STRIP2: variants seen among roughly 807,000 people sequenced by gnomAD.
STRIP2 encodes striatin interacting protein 2, also known as striatin-interacting protein 2.
Under a neutral mutation model 107.1 loss-of-function variants are expected in STRIP2, and 84 were observed. The observed-to-expected ratio is 0.78, with a 90% CI of 0.66 to 0.94. The LOEUF (loss-of-function observed/expected upper bound fraction) is 0.94. STRIP2 is among the 40% of genes least tolerant of loss of function. The pLI is 0.00. For synonymous variants in STRIP2, 394 were observed against 400.4 expected (o/e 0.98, Z 0.19); for missense variants, 888 against 1,034.2 (o/e 0.86, Z 1.94).
chr7:129,485,772 C>A lies in STRIP2; in HGVS notation c.2448C>A (p.Leu816=), dbSNP rs201042003. Residue 816 remains leucine, a synonymous_variant, in exon 21 of 21, where the codon CTC becomes CTA. Coordinates refer to ENST00000249344, the MANE Select transcript of STRIP2 (RefSeq NM_020704.3). ...EDFHYSYELW[L]EREVFSQPIC... ...TCCACTATTCATATGAGCTCTGGCT[C>A]GAGAGAGAGGTGTTTTCACAGCCCA... 6.2e-7 allele frequency: 1 copy of A among 1,613,950 alleles called. No homozygotes were observed. The highest frequency in any genetic ancestry group is 1.7e-5 in the Admixed American group (1 of 59,994).
At chr7:129,476,990 C>T (rs954978255) in intron 18 of STRIP2, among the ~76,000 whole-genome samples, 9 of 151,578 alleles carry the variant, frequency 5.9e-5, no homozygotes, top group East Asian at 1.9e-4. Flanking sequence ...CCGGCCAACA[C>T]AGCGAAACCC....
chr7:129,434,617 A>G lies in STRIP2; in HGVS notation c.129+16A>G. 1 of 1,472,994 alleles carries G rather than the reference A, an allele frequency of 6.8e-7. No homozygotes were observed. Among genetic ancestry groups the G allele is most frequent in the Non-Finnish European group, 9.0e-7 (1 of 1,114,106 alleles). The allele number at this position is 1,472,994 out of a possible 1,614,324, so 91.2% of individuals were successfully genotyped here. Reference sequence around the variant, plus strand: ...GGAGTCAGAGGTGAGGAGCCCGGAAAGCTTCGGCTGGGGCCCGGAGACGCC... The same window carrying G: ...GGAGTCAGAGGTGAGGAGCCCGGAAGGCTTCGGCTGGGGCCCGGAGACGCC... On this transcript the variant is annotated intron_variant, in intron 1 of 20. Coordinates refer to ENST00000249344, the MANE Select transcript of STRIP2 (RefSeq NM_020704.3).
At chr7:129,459,673 C>A in intron 12 of STRIP2, 93 bp downstream of exon 12, 1 of 1,060,468 alleles carries the variant, frequency 9.4e-7, no homozygotes, top group Non-Finnish European at 1.5e-6. Flanking sequence ...GGCTTTTATA[C>A]CAGACTCTTT....
At chr7:129,460,588 A>C (rs1401577989) in intron 13 of STRIP2, 1 of 546,276 alleles carries the variant, frequency 1.8e-6, no homozygotes, top group African/African-American at 1.9e-5. Context: ...GGTAAATACA[A>C]TGAAGAAAAT....
chr7:129,470,794 A>G, intron 18 of STRIP2, 79 bp downstream of exon 18: 2 of 1,159,032 alleles, frequency 1.7e-6, no homozygotes, highest in South Asian at 2.5e-5. Flanking sequence ...TTCTTCTCCA[A>G]CCCCTTAATG....
intron 3 of STRIP2, among the ~76,000 whole-genome samples, chr7:129,451,345 T>G (rs923936497): frequency 2.6e-5 from 4 of 152,070 alleles, no homozygotes; most frequent in African/African-American, 9.7e-5. Flanking sequence ...CAGAGGGAAC[T>G]CCTTGAGGAA....
At chr7:129,475,553 C>CTTTTTTTTTTTTTTTT (rs1292595061) in intron 18 of STRIP2, among the ~76,000 whole-genome samples, 1 of 35,984 alleles carries the variant, frequency 2.8e-5, no homozygotes. Context: ...CTTTTTTTTT[C>CTTTTTTTTTTTTTTTT]TTTTTTTTTT....
intron 19 of STRIP2, 133 bp downstream of exon 19, chr7:129,481,022 C>T: frequency 3.2e-6 from 2 of 624,978 alleles, no homozygotes; most frequent in Non-Finnish European, 5.5e-6. Flanking sequence ...GATTTAGCAC[C>T]TCATAATTCT....
rs1411162808 is a variant in STRIP2, at chr7:129,485,830, C to T, written c.*1C>T. ...GGAGGAGCTGCTCCAGAATCACTGA[C>T]TAAGTTCTTGTCAACAAGCATCAAT... On this transcript the variant is annotated 3_prime_UTR_variant, in exon 21 of 21. Transcript: ENST00000249344. 2 of 1,613,662 alleles carry T rather than the reference C, an allele frequency of 1.2e-6. No homozygotes were observed. Among genetic ancestry groups the T allele is most frequent in the Admixed American group, 1.7e-5 (1 of 60,014 alleles).
In STRIP2 at chr7:129,486,867, G is replaced by A. The variant is rs968861933; in HGVS notation, c.*1038G>A. 6.6e-6 allele frequency: 1 copy of A among 151,756 alleles called. No individual in the cohort carries two copies. The highest frequency in any genetic ancestry group is 1.5e-5 in the Non-Finnish European group (1 of 67,978). 9.4% of individuals were successfully genotyped at this position (151,756 alleles called of 1,614,324 possible). ...AATACTGTCTCTACTTAAAAGTATT[G>A]CACATTTCATTGAAAATGTGAGAGT... On this transcript the variant is annotated 3_prime_UTR_variant, in exon 21 of 21. Transcript: ENST00000249344.
rs1224156200 is a variant in STRIP2 at position 129,451,661 on chromosome 7, A to G, written c.323A>G (p.Tyr108Cys). 1.9e-5 allele frequency: 30 copies of G among 1,614,074 alleles called. No homozygotes were observed. The highest frequency in any genetic ancestry group is 2.5e-5 in the Non-Finnish European group (29 of 1,180,048). ...LELEEDAQKAYIMGLLDRLEV... is the reference protein window; with the variant it reads ...LELEEDAQKACIMGLLDRLEV... ...TTGGAAGAAGATGCCCAAAAGGCCT[A>G]TATAATGGGACTCTTGGACCGGCTA... Residue 108 changes from tyrosine (Y) to cysteine (C), a missense_variant, in exon 4 of 21, where the codon TAT becomes TGT. By Grantham distance (194) the Tyr-to-Cys change is radical. Transcript: ENST00000249344.
chr7:129,485,214 T>C (rs865899078), intron 20 of STRIP2, among the ~76,000 whole-genome samples: 28 of 152,200 alleles, frequency 1.8e-4, no homozygotes, highest in Middle Eastern at 3.4e-3. Context: ...ACATAATACA[T>C]ATAACTAGTA....
intron 19 of STRIP2, among the ~76,000 whole-genome samples, chr7:129,482,608 C>T (rs1476182869): frequency 6.6e-6 from 1 of 151,824 alleles, no homozygotes; most frequent in African/African-American, 2.4e-5. Context: ...AAACTCCTGA[C>T]CTTACGTGAT....
chr7:129,438,521 C>T (rs915979737), intron 1 of STRIP2, among the ~76,000 whole-genome samples: 4 of 152,146 alleles, frequency 2.6e-5, no homozygotes, highest in Non-Finnish European at 5.9e-5. Flanking sequence ...TGAAGTAAGT[C>T]CTGTTATTAT....
At chr7:129,481,108 A>G (rs748811830) in intron 19 of STRIP2, among the ~76,000 whole-genome samples, 19 of 152,312 alleles carry the variant, frequency 1.2e-4, no homozygotes, top group South Asian at 1.0e-3. Context: ...ACCCTCCCTC[A>G]GGGCAACTCT....
Position 129,480,166 on chromosome 7 carries a change from C to A in STRIP2, c.1945-619C>A, listed in dbSNP as rs111865299. Among the ~76,000 whole-genome samples, 804 of 152,260 alleles carry A rather than the reference C, an allele frequency of 5.3e-3. 7 individuals carry two copies. The highest frequency in any genetic ancestry group is 0.019 in the African/African-American group (771 of 41,552). ...TGAAAAATCTTTCTATGAGTAGATA[C>A]CTGCTTTTAATCTGACATCCATCTG... On this transcript the variant is annotated intron_variant, in intron 18 of 20. Coordinates refer to ENST00000249344, the MANE Select transcript of STRIP2 (RefSeq NM_020704.3).
chr7:129,485,804 G>A lies in STRIP2; in HGVS notation c.2480G>A (p.Trp827Ter). 6.2e-7 allele frequency: 1 copy of A among 1,614,012 alleles called. No individual in the cohort carries two copies. The highest frequency in any genetic ancestry group is 8.5e-7 in the Non-Finnish European group (1 of 1,180,034). ...EREVFSQPIC[W>*]EELLQNH ...GAGGTGTTTTCACAGCCCATCTGTT[G>A]GGAGGAGCTGCTCCAGAATCACTGA... The change falls in exon 21 of 21, where the codon TGG (tryptophan) becomes TAG (stop). Residue 827 changes from tryptophan (W) to a stop codon, truncating the protein, a stop_gained. Transcript: ENST00000249344. LOFTEE classifies it high-confidence loss of function.
chr7:129,439,803 T>G (rs1797848449), intron 1 of STRIP2, among the ~76,000 whole-genome samples: 1 of 152,138 alleles, frequency 6.6e-6, no homozygotes, highest in Non-Finnish European at 1.5e-5. Flanking sequence ...CTTTCCGATT[T>G]TGTATAGGAA....
chr7:129,458,588 G>T lies in STRIP2; in HGVS notation c.1275-124G>T. ...TCCTGGGTTTGAAATTCCTTCTGTT[G>T]ATTGCTGCCTTTTTCCACTGCTCCA... On this transcript the variant is annotated intron_variant, in intron 10 of 20. Transcript: ENST00000249344. The surrounding 1 kb of genome is among the most constrained non-coding windows in gnomAD (Gnocchi z 4.6). 1 of 1,290,008 alleles carries T rather than the reference G, an allele frequency of 7.8e-7. No individual in the cohort carries two copies. The highest frequency in any genetic ancestry group is 1.1e-6 in the Non-Finnish European group (1 of 918,566). 79.9% of individuals were successfully genotyped at this position (1,290,008 alleles called of 1,614,324 possible). A position where few individuals can be genotyped will look rare whatever the true frequency, so the allele number is the denominator to read the frequency against.
Sources: gnomAD v4.1 joint callset for allele counts (sites outside exome capture counted in the v4.1 genomes callset) on GRCh38, gnomAD v4.1.1 for gene constraint, Gnocchi (gnomAD v3.1) non-coding constraint, MANE v1.5 for transcripts, NCBI Gene and HGNC (gene_info 2026-07-23, HGNC 2026-07-21) for gene names.